COL26A1: variants seen among roughly 807,000 people sequenced by gnomAD.
COL26A1 encodes collagen alpha-1(XXVI) chain.
In COL26A1, 41 loss-of-function variants were observed where a neutral mutation model predicts 59.3. That is an observed-to-expected ratio of 0.69 (90% CI 0.54 to 0.90). The LOEUF is 0.90. Ranked by LOEUF, COL26A1 falls within the 40% of genes least tolerant of loss-of-function variation. The pLI is 0.00. For missense variants in COL26A1, 612 were observed against 602.3 expected (o/e 1.02, Z -0.17); for synonymous variants, 266 against 256.0 (o/e 1.04, Z -0.37).
intron 3 of COL26A1, among the ~76,000 whole-genome samples, chr7:101,453,141 T>C (rs1415724540): frequency 6.6e-6 from 1 of 152,128 alleles, no homozygotes; most frequent in African/African-American, 2.4e-5. Flanking sequence ...CCCAAGGCAG[T>C]GGATCACTTG....
chr7:101,466,837 T>TGTGTGTGTGTGTGTGTGTGTGA (rs764059657), intron 3 of COL26A1, among the ~76,000 whole-genome samples: 83 of 122,698 alleles, frequency 6.8e-4, no homozygotes, highest in African/African-American at 2.2e-3. Context: ...TGTGTGTGTG[T>TGTGTGTGTGTGTGTGTGTGTGA]GAGAGAGAGA....
At chr7:101,513,510 T>C (rs1794968664) in intron 3 of COL26A1, among the ~76,000 whole-genome samples, 1 of 150,916 alleles carries the variant, frequency 6.6e-6, no homozygotes, top group South Asian at 2.1e-4. Context: ...TATTTTTGTA[T>C]TTTTGTATTT....
chr7:101,453,383 TTTATGA>T (rs1238426873), intron 3 of COL26A1, among the ~76,000 whole-genome samples: 9 of 152,018 alleles, frequency 5.9e-5, no homozygotes, highest in Non-Finnish European at 1.3e-4. Flanking sequence ...GAAAAGAAAT[TTTATGA>T]GACCACTCGT....
At chr7:101,394,527 C>T (rs1025247652) in intron 1 of COL26A1, among the ~76,000 whole-genome samples, 2 of 151,938 alleles carry the variant, frequency 1.3e-5, no homozygotes, top group Non-Finnish European at 2.9e-5. Flanking sequence ...CTGCCTCAGC[C>T]TCCTGAGTAG....
intron 1 of COL26A1, among the ~76,000 whole-genome samples, chr7:101,413,192 C>T (rs1047535688): frequency 3.3e-5 from 5 of 152,108 alleles, no homozygotes; most frequent in African/African-American, 9.7e-5. Flanking sequence ...ATTGCTCCTC[C>T]CCCTAGGTGA....
intron 1 of COL26A1, among the ~76,000 whole-genome samples, chr7:101,410,058 C>T (rs1792208976): frequency 6.6e-6 from 1 of 151,904 alleles, no homozygotes; most frequent in South Asian, 2.1e-4. Flanking sequence ...CCGCACCTGG[C>T]CAGAGGCTAG....
intron 3 of COL26A1, among the ~76,000 whole-genome samples, chr7:101,509,378 G>A (rs965106686): frequency 1.3e-5 from 2 of 152,140 alleles, no homozygotes; most frequent in Admixed American, 6.5e-5. Flanking sequence ...CCTGGGAGGC[G>A]GGGGTTGCAG....
intron 1 of COL26A1, among the ~76,000 whole-genome samples, chr7:101,403,885 C>T (rs1230482844): frequency 6.6e-6 from 1 of 152,160 alleles, no homozygotes; most frequent in East Asian, 1.9e-4. Context: ...CACTTGAGGT[C>T]AGGAGTTCGA....
intron 3 of COL26A1, among the ~76,000 whole-genome samples, chr7:101,450,914 A>G (rs2130387807): frequency 7.3e-6 from 1 of 137,594 alleles, no homozygotes; most frequent in Non-Finnish European, 1.5e-5. Flanking sequence ...TAATTTATAT[A>G]TTCCAGTAAT....
At chr7:101,415,918 C>T (rs1273014803) in intron 1 of COL26A1, among the ~76,000 whole-genome samples, 2 of 145,786 alleles carry the variant, frequency 1.4e-5, no homozygotes, top group Non-Finnish European at 3.1e-5. Context: ...TAGGCGTGAG[C>T]CACTGCACCC....
intron 1 of COL26A1, among the ~76,000 whole-genome samples, chr7:101,408,234 G>A (rs1792172026): frequency 6.6e-6 from 1 of 152,208 alleles, no homozygotes; most frequent in South Asian, 2.1e-4. Context: ...GGGGAAGGGA[G>A]GGGACTGAGG....
At chr7:101,519,244 C>G (rs535682183) in intron 3 of COL26A1, among the ~76,000 whole-genome samples, 41 of 152,292 alleles carry the variant, frequency 2.7e-4, no homozygotes, top group African/African-American at 9.1e-4. Flanking sequence ...CCGGATGTTA[C>G]AGTTCTAACT....
intron 3 of COL26A1, among the ~76,000 whole-genome samples, chr7:101,531,573 G>A (rs969037819): frequency 6.6e-6 from 1 of 152,172 alleles, no homozygotes; most frequent in African/African-American, 2.4e-5. Flanking sequence ...AGGGGTAGAA[G>A]GGAGGGAAGG....
chr7:101,478,268 G>A (rs6967098), intron 3 of COL26A1, among the ~76,000 whole-genome samples: 14,756 of 152,156 alleles, frequency 0.097, 1,465 homozygotes, highest in African/African-American at 0.26. Flanking sequence ...GGCATGAGCC[G>A]CCACGCCCAG....
chr7:101,485,321 G>A (rs1010954308), intron 3 of COL26A1, among the ~76,000 whole-genome samples: 2 of 152,338 alleles, frequency 1.3e-5, no homozygotes, highest in South Asian at 2.1e-4. Context: ...GCTCACCTGC[G>A]TGAGGTGCTC....
chr7:101,456,165 TA>T (rs1041064909), intron 3 of COL26A1, among the ~76,000 whole-genome samples: 48 of 99,168 alleles, frequency 4.8e-4, no homozygotes, highest in Middle Eastern at 5.4e-3. Flanking sequence ...TATATATATA[TA>T]TATTTTTTTT....
chr7:101,509,458 A>G (rs1794877921), intron 3 of COL26A1, among the ~76,000 whole-genome samples: 1 of 152,050 alleles, frequency 6.6e-6, no homozygotes, highest in South Asian at 2.1e-4. Context: ...AAAAAAGAAA[A>G]AAGAAAAGAA....
intron 3 of COL26A1, among the ~76,000 whole-genome samples, chr7:101,502,436 G>C (rs1794725098): frequency 6.6e-6 from 1 of 152,188 alleles, no homozygotes; most frequent in Non-Finnish European, 1.5e-5. Context: ...AAGCCTTTGA[G>C]GTCATTTGGC....
At chr7:101,455,503 C>CTTTT (rs10690062) in intron 3 of COL26A1, among the ~76,000 whole-genome samples, 2,598 of 116,506 alleles carry the variant, frequency 0.022, 117 homozygotes, top group Middle Eastern at 0.052. Context: ...CTTTTCTTTT[C>CTTTT]TTTTTTTTTT....
Sources: gnomAD v4.1 joint callset for allele counts (sites outside exome capture counted in the v4.1 genomes callset) on GRCh38, gnomAD v4.1.1 for gene constraint, MANE v1.5 for transcripts, NCBI Gene and HGNC (gene_info 2026-07-23, HGNC 2026-07-21) for gene names.